Variants in TTC7A observed in about 807,000 individuals in gnomAD.
TTC7A encodes tetratricopeptide repeat domain 7A.
In TTC7A, 110 loss-of-function variants were observed where a neutral mutation model predicts 103.7. The observed-to-expected ratio is 1.06, with a 90% CI of 0.91 to 1.24. TTC7A has a LOEUF of 1.24. Among genes scored for constraint, TTC7A ranks in the 50% most tolerant of loss-of-function variants. The pLI, the probability that TTC7A is intolerant of heterozygous loss-of-function variation, is 0.00. For synonymous variants in TTC7A, 521 were observed against 467.9 expected (o/e 1.11, Z -1.47); for missense variants, 1,340 against 1,116.3 (o/e 1.20, Z -2.86).
chr2:47,037,124 A>G (rs1014916938), intron 15 of TTC7A, among the ~76,000 whole-genome samples: 2 of 152,206 alleles, frequency 1.3e-5, no homozygotes, highest in East Asian at 1.9e-4. Flanking sequence ...GGACCCCCTC[A>G]GGTCCACTTT....
chr2:47,043,815 T>TCTA (rs1435448172), intron 15 of TTC7A, among the ~76,000 whole-genome samples: 1 of 152,180 alleles, frequency 6.6e-6, no homozygotes, highest in Non-Finnish European at 1.5e-5. Flanking sequence ...TGTCAGCAGC[T>TCTA]GCAAAGGTAC....
chr2:46,917,088 C>G (rs994096754), intron 1 of TTC7A: 2 of 683,840 alleles, frequency 2.9e-6, no homozygotes, highest in Non-Finnish European at 5.3e-6. Flanking sequence ...CATTGACGGT[C>G]TCATTCCTTT....
chr2:46,999,132 CTTA>C (rs1370555522), intron 8 of TTC7A, among the ~76,000 whole-genome samples: 1 of 152,150 alleles, frequency 6.6e-6, no homozygotes, highest in Non-Finnish European at 1.5e-5. Context: ...CATTCGTCCA[CTTA>C]TTAATCCATT....
chr2:46,981,608 GC>G (rs1674469365), intron 5 of TTC7A, among the ~76,000 whole-genome samples: 1 of 152,348 alleles, frequency 6.6e-6, no homozygotes, highest in African/African-American at 2.4e-5. Flanking sequence ...TAGAACCGGA[GC>G]CTGAAGTGGG....
intron 3 of TTC7A, among the ~76,000 whole-genome samples, chr2:46,972,904 G>C (rs1405760110): frequency 1.3e-5 from 2 of 152,214 alleles, no homozygotes; most frequent in Admixed American, 6.5e-5. Flanking sequence ...CCAAAATATA[G>C]TGTAGAAAGT....
chr2:46,923,806 C>T (rs994051387), intron 2 of TTC7A, among the ~76,000 whole-genome samples: 1 of 152,012 alleles, frequency 6.6e-6, no homozygotes, highest in Non-Finnish European at 1.5e-5. Flanking sequence ...CATCTCAGCT[C>T]ACTGCAACCT....
In TTC7A at chr2:46,957,377, G is replaced by A. The variant is rs1056506610; in HGVS notation, c.517+370G>A. Among the ~76,000 whole-genome samples, 121 of 152,382 alleles carry A rather than the reference G, an allele frequency of 7.9e-4. 1 individual carries two copies. The highest frequency in any genetic ancestry group is 2.9e-3 in the African/African-American group (121 of 41,590). ...ATCAGCAGAATTGTGTAGCAAGGTTGAGAAAGGTTTACAAAGTATGACCTC... is the reference window on the plus strand; with the variant it reads ...ATCAGCAGAATTGTGTAGCAAGGTTAAGAAAGGTTTACAAAGTATGACCTC... On this transcript the variant is annotated intron_variant, in intron 3 of 19. Coordinates refer to ENST00000319190, the MANE Select transcript of TTC7A (RefSeq NM_020458.4).
At chr2:47,031,955 G>A (rs1434693999) in intron 15 of TTC7A, among the ~76,000 whole-genome samples, 1 of 152,200 alleles carries the variant, frequency 6.6e-6, no homozygotes, top group Admixed American at 6.5e-5. Flanking sequence ...TGCCTCCTGC[G>A]TTCATCTTCC....
intron 2 of TTC7A, among the ~76,000 whole-genome samples, chr2:46,954,771 A>G (rs151107270): frequency 0.034 from 5,187 of 152,038 alleles, 117 homozygotes; most frequent in Middle Eastern, 0.068. Flanking sequence ...GGGTTTTACC[A>G]TGTTGTCCAG....
At chr2:47,068,050 G>A (rs529226890) in intron 19 of TTC7A, 31 of 152,658 alleles carry the variant, frequency 2.0e-4, no homozygotes, top group Admixed American at 1.8e-3. Flanking sequence ...TGCTTTGCGG[G>A]GGAGAATGAG....
intron 8 of TTC7A, among the ~76,000 whole-genome samples, chr2:47,002,694 G>T (rs1459545540): frequency 6.6e-6 from 1 of 152,090 alleles, no homozygotes; most frequent in Non-Finnish European, 1.5e-5. Context: ...ATTCTGTTCT[G>T]CTGTGGCTTA....
rs935241561 is a variant in TTC7A at position 47,046,494 on chromosome 2, C to T, written c.1919+63C>T. On this transcript the variant is annotated intron_variant, in intron 16 of 19. Transcript: ENST00000319190. ...TGGTTGCCAGGGCAACAATCCACAG[C>T]TGGGTGGCCACCATGCCTGCCAAGA... The T allele has an allele frequency of 1.9e-5, 25 of 1,331,240 alleles. No individual in the cohort carries two copies. The African/African-American group carries it at 2.5e-4, about 13-fold the overall frequency. 82.5% of individuals were successfully genotyped at this position (1,331,240 alleles called of 1,614,324 possible).
intron 2 of TTC7A, among the ~76,000 whole-genome samples, chr2:46,930,061 T>C (rs181823035): frequency 2.4e-3 from 359 of 152,194 alleles, no homozygotes; most frequent in African/African-American, 8.2e-3. Flanking sequence ...CCCTGAGATT[T>C]TGGGGGGAGT....
At chr2:47,051,912 C>T in intron 18 of TTC7A, 32 bp downstream of exon 18, 1 of 1,582,190 alleles carries the variant, frequency 6.3e-7, no homozygotes, top group Non-Finnish European at 8.6e-7. Flanking sequence ...ACACACACAG[C>T]CTGTCTGCAG....
chr2:46,946,461 T>C (rs1220088167), intron 1 of TTC7A, among the ~76,000 whole-genome samples: 1 of 152,236 alleles, frequency 6.6e-6, no homozygotes, highest in East Asian at 1.9e-4. Context: ...TATTGCCCTG[T>C]TGCCTAGGCT....
chr2:46,989,607 GACCTCTCTATTTTTTTTTTTTTTTTTCTT>G (rs1675392901), intron 5 of TTC7A, among the ~76,000 whole-genome samples: 1 of 150,290 alleles, frequency 6.7e-6, no homozygotes, highest in Non-Finnish European at 1.5e-5. Context: ...TGGCCACTGG[GACCTCTCTATTTTTTTTTTTTTTTTTCTT>G]GAAGGACATT....
At chr2:46,922,583 C>T (rs180917502) in intron 2 of TTC7A, among the ~76,000 whole-genome samples, 1 of 152,114 alleles carries the variant, frequency 6.6e-6, no homozygotes, top group African/African-American at 2.4e-5. Context: ...TACAGCTTTA[C>T]TGTGTTTCTC....
At chr2:47,049,511 G>A (rs1002806616) in intron 16 of TTC7A, among the ~76,000 whole-genome samples, 1 of 152,102 alleles carries the variant, frequency 6.6e-6, no homozygotes, top group African/African-American at 2.4e-5. Flanking sequence ...GGAAGCCTGA[G>A]GCAGGGGGTG....
At position 46,993,527 on chromosome 2, in the gene TTC7A, T is replaced by A. The variant is rs753859934; in HGVS notation, c.842T>A (p.Val281Glu). 6.2e-7 allele frequency: 1 copy of A among 1,613,776 alleles called. No homozygotes were observed. The highest frequency in any genetic ancestry group is 1.1e-5 in the South Asian group (1 of 91,054). The change falls in exon 6 of 20, where the codon GTG becomes GAG. Residue 281 changes from valine to glutamate, a missense_variant and splice_region_variant. By Grantham distance (121) the Val-to-Glu change is moderately radical. Transcript: ENST00000319190. The stretch of plus-strand genomic sequence containing the variant: ...ACCAAAGCAACTCAGAACTTCAAAG[T>A]GGTAATGTGGGGTGCTGGCAGTGCT... Reference protein sequence around the residue: ...VETKATQNFKVMAAKHLAGVL... With the variant: ...VETKATQNFKEMAAKHLAGVL...
Sources: allele counts gnomAD v4.1 joint callset (sites outside exome capture counted in the v4.1 genomes callset), GRCh38; gene constraint gnomAD v4.1.1; transcripts MANE v1.5; gene names NCBI Gene and HGNC (gene_info 2026-07-23, HGNC 2026-07-21).